Variants in SLC30A9 observed in about 807,000 individuals in gnomAD.
SLC30A9 encodes proton-coupled zinc antiporter SLC30A9, mitochondrial.
A neutral mutation model predicts 87.5 loss-of-function variants in SLC30A9; 58 were observed. The ratio of observed to expected loss-of-function variants is 0.66; its 90% CI spans 0.54 to 0.82. The LOEUF is 0.82. Ranked by LOEUF, SLC30A9 falls within the 40% of genes least tolerant of loss-of-function variation. The pLI, the probability that SLC30A9 is intolerant of heterozygous loss-of-function variation, is 0.00. For missense variants in SLC30A9, 557 were observed against 679.1 expected, an observed-to-expected ratio of 0.82 and a Z score of 2.00; for synonymous variants, 234 against 233.0, an observed-to-expected ratio of 1.00 and a Z score of -0.04.
intron 2 of SLC30A9, among the ~76,000 whole-genome samples, chr4:42,004,210 G>C (rs952787040): frequency 1.3e-5 from 2 of 152,116 alleles, no homozygotes; most frequent in Non-Finnish European, 2.9e-5. Flanking sequence ...TTTTCTATTT[G>C]ACAGCATTTT....
At chr4:42,047,524 A>G (rs1438724151) in intron 8 of SLC30A9, among the ~76,000 whole-genome samples, 3 of 152,242 alleles carry the variant, frequency 2.0e-5, no homozygotes, top group African/African-American at 4.8e-5. Flanking sequence ...CGAAACCACA[A>G]TGAGATTCTA....
intron 4 of SLC30A9, among the ~76,000 whole-genome samples, chr4:42,020,985 T>C (rs1348596819): frequency 6.6e-6 from 1 of 152,214 alleles, no homozygotes; most frequent in African/African-American, 2.4e-5. Flanking sequence ...TATCTGTTAT[T>C]ATTAATTTTC....
intron 8 of SLC30A9, among the ~76,000 whole-genome samples, chr4:42,048,139 A>AT (rs1717245019): frequency 6.6e-6 from 1 of 152,178 alleles, no homozygotes; most frequent in African/African-American, 2.4e-5. Flanking sequence ...TGACGGGTTG[A>AT]TGGGTGCAGC....
At chr4:42,044,531 A>G (rs1224843624) in intron 8 of SLC30A9, among the ~76,000 whole-genome samples, 1 of 152,208 alleles carries the variant, frequency 6.6e-6, no homozygotes, top group Non-Finnish European at 1.5e-5. Context: ...CTAAATATAT[A>G]TGCACCCAAT....
intron 9 of SLC30A9, among the ~76,000 whole-genome samples, chr4:42,053,304 C>G (rs536444158): frequency 1.3e-5 from 2 of 152,272 alleles, no homozygotes; most frequent in East Asian, 3.9e-4. Context: ...ATTTGGCAGC[C>G]TCCTATAAAC....
intron 2 of SLC30A9, among the ~76,000 whole-genome samples, chr4:42,005,646 C>T (rs541083503): frequency 1.3e-5 from 2 of 152,196 alleles, no homozygotes; most frequent in South Asian, 2.1e-4. Context: ...CAATAGAAAT[C>T]CGGGGAAAGC....
At chr4:42,007,089 A>G (rs570179306) in intron 2 of SLC30A9, among the ~76,000 whole-genome samples, 1 of 152,302 alleles carries the variant, frequency 6.6e-6, no homozygotes, top group South Asian at 2.1e-4. Flanking sequence ...GTTGCAAAGG[A>G]GGGAGATTGA....
intron 2 of SLC30A9, among the ~76,000 whole-genome samples, chr4:42,006,574 C>A (rs538963589): frequency 6.6e-6 from 1 of 151,856 alleles, no homozygotes; most frequent in Non-Finnish European, 1.5e-5. Flanking sequence ...ATAGTCCCAG[C>A]TACTCAAGAT....
chr4:42,004,249 T>C (rs1046650317), intron 2 of SLC30A9, among the ~76,000 whole-genome samples: 2 of 152,204 alleles, frequency 1.3e-5, no homozygotes, highest in African/African-American at 2.4e-5. Flanking sequence ...TTTGAAAGTC[T>C]TTTTCTTTGG....
chr4:42,022,883 A>G lies in SLC30A9; in HGVS notation c.480A>G (p.Glu160=). ...LRKIRRRSPH[E]DTESFTVYLR... is the part of the protein sequence containing the mutation. ...AAATCAGACGACGAAGTCCCCATGAAGATACTGAGTCTTTTACTGTATACT... is the reference window on the plus strand; with the variant it reads ...AAATCAGACGACGAAGTCCCCATGAGGATACTGAGTCTTTTACTGTATACT... Residue 160 remains glutamate, a synonymous_variant, in exon 5 of 18, where the codon GAA becomes GAG. Coordinates refer to ENST00000264451, the MANE Select transcript of SLC30A9 (RefSeq NM_006345.4). 1 of 1,603,076 alleles carries G rather than the reference A, an allele frequency of 6.2e-7. No individual in the cohort carries two copies.
chr4:42,064,518 T>C (rs933186723), intron 11 of SLC30A9, among the ~76,000 whole-genome samples: 2 of 152,200 alleles, frequency 1.3e-5, no homozygotes, highest in African/African-American at 4.8e-5. Flanking sequence ...CATAATACAT[T>C]TCATATAATT....
At chr4:42,027,722 T>C (rs1716255660) in intron 6 of SLC30A9, among the ~76,000 whole-genome samples, 1 of 152,084 alleles carries the variant, frequency 6.6e-6, no homozygotes, top group Non-Finnish European at 1.5e-5. Context: ...GAATTTAAGA[T>C]GGAATATATT....
At chr4:42,062,063 G>A (rs1345547435) in intron 10 of SLC30A9, among the ~76,000 whole-genome samples, 3 of 151,794 alleles carry the variant, frequency 2.0e-5, no homozygotes, top group African/African-American at 7.3e-5. Context: ...GTGTGGTGGT[G>A]CATGCCTATA....
chr4:42,055,512 G>A (rs57745700), intron 9 of SLC30A9, among the ~76,000 whole-genome samples: 3,558 of 152,152 alleles, frequency 0.023, 162 homozygotes, highest in African/African-American at 0.082. Context: ...TCAGCTTCCC[G>A]AATAGCTGGG....
intron 6 of SLC30A9, among the ~76,000 whole-genome samples, chr4:42,024,043 T>A (rs1413543740): frequency 2.0e-5 from 3 of 152,112 alleles, no homozygotes; most frequent in Non-Finnish European, 4.4e-5. Flanking sequence ...GAGATGAGAT[T>A]TGGGTGGGGA....
intron 16 of SLC30A9, 49 bp from the exon 17 acceptor site, chr4:42,078,163 C>T: frequency 2.3e-6 from 2 of 856,804 alleles, no homozygotes; most frequent in African/African-American, 1.7e-5. Flanking sequence ...ATAAGTGTAC[C>T]ACTATGGTTT....
chr4:41,990,660 C>G lies in SLC30A9; in HGVS notation c.9C>G (p.Pro3=), dbSNP rs2581434. The G allele has an allele frequency of 0.81, 1,293,639 of 1,602,308 alleles. 532,853 individuals carry two copies. The highest frequency in any genetic ancestry group is 0.97 in the East Asian group (43,159 of 44,572). Residue 3 remains proline, a synonymous_variant, in exon 1 of 18, where the codon CCC becomes CCG. Coordinates refer to ENST00000264451, the MANE Select transcript of SLC30A9 (RefSeq NM_006345.4). The stretch of plus-strand genomic sequence containing the variant: ...GCCTCTGCCCCACCAGGATGTTACC[C>G]GGCTTGGCCGCCGCCGCGGCCCACA... ML[P]GLAAAAAHRC...
chr4:42,048,913 A>G (rs1279553192), intron 8 of SLC30A9, among the ~76,000 whole-genome samples: 1 of 152,208 alleles, frequency 6.6e-6, no homozygotes, highest in Admixed American at 6.5e-5. Context: ...TTACCTAAAC[A>G]AAGTTTTTTA....
chr4:42,077,493 C>A (rs1304736175), intron 16 of SLC30A9, among the ~76,000 whole-genome samples: 1 of 152,070 alleles, frequency 6.6e-6, no homozygotes, highest in South Asian at 2.1e-4. Context: ...CAACCTCCGC[C>A]CCCCAGGTTC....
Sources: gnomAD v4.1 joint callset for allele counts (sites outside exome capture counted in the v4.1 genomes callset) on GRCh38, gnomAD v4.1.1 for gene constraint, MANE v1.5 for transcripts, NCBI Gene and HGNC (gene_info 2026-07-23, HGNC 2026-07-21) for gene names.